The following CR1L variants were observed in gnomAD, a reference collection of about 807,000 sequenced individuals.
CR1L encodes the protein complement component receptor 1-like protein.
Under a neutral mutation model 62.3 loss-of-function variants are expected in CR1L, and 59 were observed. The observed-to-expected ratio is 0.95, with a 90% CI of 0.77 to 1.18. The LOEUF is 1.18. CR1L is among the 50% of genes most tolerant of loss of function. CR1L has a pLI of 0.00. For missense variants in CR1L, 700 were observed against 702.8 expected, an observed-to-expected ratio of 1.00 and a Z score of 0.04; for synonymous variants, 279 against 248.7, an observed-to-expected ratio of 1.12 and a Z score of -1.15.
At chr1:207,666,676 G>A (rs994208872) in intron 1 of CR1L, among the ~76,000 whole-genome samples, 1 of 152,128 alleles carries the variant, frequency 6.6e-6, no homozygotes, top group Non-Finnish European at 1.5e-5. Flanking sequence ...AGATGTGGGG[G>A]AACAACACAT....
chr1:207,718,301 A>G (rs1286933883), intron 11 of CR1L, among the ~76,000 whole-genome samples: 1 of 152,166 alleles, frequency 6.6e-6, no homozygotes, highest in Non-Finnish European at 1.5e-5. Context: ...CCTTTGATAT[A>G]TTACTCTGGC....
At chr1:207,667,742 ATG>A (rs768517895) in intron 1 of CR1L, among the ~76,000 whole-genome samples, 4 of 151,728 alleles carry the variant, frequency 2.6e-5, no homozygotes, top group African/African-American at 4.9e-5. Flanking sequence ...AACCTACAGA[ATG>A]TGAGAAAATG....
At chr1:207,671,269 G>A (rs1571510782) in intron 1 of CR1L, among the ~76,000 whole-genome samples, 1 of 150,960 alleles carries the variant, frequency 6.6e-6, no homozygotes, top group Admixed American at 6.6e-5. Context: ...CCATGACTAA[G>A]CAGTCGTGCA....
intron 11 of CR1L, among the ~76,000 whole-genome samples, chr1:207,720,433 G>C (rs1654108635): frequency 6.6e-6 from 1 of 152,174 alleles, no homozygotes. Context: ...GAACTAACCT[G>C]GGGCGGTGGT....
At chr1:207,720,147 G>A (rs978704801) in intron 11 of CR1L, among the ~76,000 whole-genome samples, 16 of 152,166 alleles carry the variant, frequency 1.1e-4, no homozygotes, top group African/African-American at 1.4e-4. Flanking sequence ...TAAACTCCTC[G>A]TGAATTGGGC....
In CR1L at chr1:207,709,065, T is replaced by C. The variant is rs899142935; in HGVS notation, c.1414+802T>C. 5 of 244,136 alleles carry C rather than the reference T, an allele frequency of 2.0e-5. 1 individual carries two copies. The highest frequency in any genetic ancestry group is 3.2e-5 in the Non-Finnish European group (4 of 124,190). 15.1% of individuals were successfully genotyped at this position (244,136 alleles called of 1,614,324 possible). A position where few individuals can be genotyped will look rare whatever the true frequency, so the allele number is the denominator to read the frequency against. On this transcript the variant is annotated intron_variant, in intron 10 of 11. Transcript: ENST00000508064. ...ATATTGTATATTTGTGTTTGCTTTG[T>C]CTTTATTAGTTCTGCCAGAGCTTTT... is the stretch of plus-strand genomic sequence containing the variant.
intron 1 of CR1L, among the ~76,000 whole-genome samples, chr1:207,664,358 T>A (rs1463682172): frequency 1.3e-5 from 2 of 152,184 alleles, no homozygotes; most frequent in Non-Finnish European, 2.9e-5. Flanking sequence ...ATATTTCCTA[T>A]CTCCCTAATA....
At chr1:207,670,581 T>C (rs1663594477) in intron 1 of CR1L, among the ~76,000 whole-genome samples, 1 of 150,948 alleles carries the variant, frequency 6.6e-6, no homozygotes, top group South Asian at 2.1e-4. Context: ...GTCCTGTCTC[T>C]TCCTGACAAC....
At chr1:207,650,079 C>G (rs1037605414) in intron 1 of CR1L, among the ~76,000 whole-genome samples, 1 of 151,968 alleles carries the variant, frequency 6.6e-6, no homozygotes, top group Non-Finnish European at 1.5e-5. Flanking sequence ...GTTGTTTGAG[C>G]TAGAGTGACA....
At chr1:207,719,341 G>T (rs115515598) in intron 11 of CR1L, among the ~76,000 whole-genome samples, 2,702 of 151,670 alleles carry the variant, frequency 0.018, 56 homozygotes, top group African/African-American at 0.046. Flanking sequence ...ACACAGCAAA[G>T]GGTTAATAGT....
intron 10 of CR1L, chr1:207,710,878 T>G (rs952894851): frequency 1.6e-6 from 2 of 1,250,314 alleles, no homozygotes; most frequent in Non-Finnish European, 2.3e-6. Context: ...GGGATGTATG[T>G]TGAGGAGGGT....
At chr1:207,677,777 T>G (rs1663721677) in intron 2 of CR1L, among the ~76,000 whole-genome samples, 1 of 152,224 alleles carries the variant, frequency 6.6e-6, no homozygotes, top group African/African-American at 2.4e-5. Context: ...AAACCGTCAT[T>G]GCAGGACATG....
At chr1:207,650,169 A>T (rs569145589) in intron 1 of CR1L, among the ~76,000 whole-genome samples, 3 of 152,182 alleles carry the variant, frequency 2.0e-5, no homozygotes, top group African/African-American at 7.2e-5. Flanking sequence ...ATGGAGAGAT[A>T]CCCAGCTAGG....
At chr1:207,645,534 T>A (rs1011101428) in intron 1 of CR1L, among the ~76,000 whole-genome samples, 1 of 152,182 alleles carries the variant, frequency 6.6e-6, no homozygotes, top group Non-Finnish European at 1.5e-5. Flanking sequence ...GCTTGTTTGG[T>A]GGCATCGTGT....
intron 5 of CR1L, among the ~76,000 whole-genome samples, chr1:207,695,771 G>A (rs1664092879): frequency 6.6e-6 from 1 of 152,206 alleles, no homozygotes. Flanking sequence ...AGGCAAAGAG[G>A]AAGCATGTAT....
chr1:207,710,528 TCC>T, intron 10 of CR1L: 1 of 1,609,078 alleles, frequency 6.2e-7, no homozygotes, highest in South Asian at 1.1e-5. Flanking sequence ...GGGTGAGCCC[TCC>T]ATATACTGCA....
At chr1:207,673,404 G>C (rs1663643419) in intron 1 of CR1L, among the ~76,000 whole-genome samples, 1 of 152,176 alleles carries the variant, frequency 6.6e-6, no homozygotes, top group Admixed American at 6.5e-5. Context: ...CCTAAGCAAA[G>C]CAAGTGCAAG....
At position 207,670,380 on chromosome 1, in the gene CR1L, G is replaced by C. The variant is rs554566606; in HGVS notation, c.98-7009G>C. 4.9e-4 allele frequency among the ~76,000 whole-genome samples: 74 copies of C among 151,318 alleles called. 5 individuals carry two copies. Among genetic ancestry groups the C allele is most frequent in the African/African-American group, 1.7e-3 (70 of 40,602 alleles). On this transcript the variant is annotated intron_variant, in intron 1 of 11. Transcript: ENST00000508064. ...AATTTGCATTTTAGTGATGTGTTTAGTACAAAATAAAGCCTATTATAACTA... is the reference window on the plus strand; with the variant it reads ...AATTTGCATTTTAGTGATGTGTTTACTACAAAATAAAGCCTATTATAACTA...
chr1:207,708,233 C>A lies in CR1L; in HGVS notation c.1384C>A (p.His462Asn). The change falls in exon 10 of 12, where the codon CAT (histidine) becomes AAT (asparagine). Residue 462 changes from histidine to asparagine, a missense_variant. By Grantham distance (68) the His-to-Asn change is moderately conservative. Coordinates refer to ENST00000508064, the MANE Select transcript of CR1L (RefSeq NM_175710.2). ...AECILSGNTA[H>N]WSMKPPICQQ... ...ATGTATCCTCTCGGGCAATACTGCC[C>A]ATTGGAGCATGAAGCCACCAATTTG... 2 of 1,611,470 alleles carry A rather than the reference C, an allele frequency of 1.2e-6. No individual in the cohort carries two copies. The highest frequency in any genetic ancestry group is 3.3e-5 in the Admixed American group (2 of 60,010).
Sources: allele counts gnomAD v4.1 joint callset (sites outside exome capture counted in the v4.1 genomes callset), GRCh38; gene constraint gnomAD v4.1.1; transcripts MANE v1.5; gene names NCBI Gene and HGNC (gene_info 2026-07-23, HGNC 2026-07-21).